Variants in RNF150 observed in about 807,000 individuals in gnomAD.
The protein encoded by RNF150 is ring finger protein 150.
RNF150 carries 24 observed loss-of-function variants against 39.3 expected under a neutral mutation model. The ratio of observed to expected loss-of-function variants is 0.61; its 90% confidence interval spans 0.44 to 0.86. The LOEUF (loss-of-function observed/expected upper bound fraction) is 0.86, where lower values mean the gene tolerates loss of function less well. Ranked by LOEUF, RNF150 falls within the 40% of genes least tolerant of loss-of-function variation. The pLI, the probability that RNF150 is intolerant of heterozygous loss-of-function variation, is 0.00. For synonymous variants in RNF150, 255 were observed against 227.3 expected (o/e 1.12, Z -1.10); for missense variants, 502 against 587.8 (o/e 0.85, Z 1.51).
chr4:141,109,984 G>A (rs1176952783), intron 1 of RNF150, among the ~76,000 whole-genome samples: 3 of 152,094 alleles, frequency 2.0e-5, no homozygotes, highest in Admixed American at 6.6e-5. Context: ...TGGAGTTCAG[G>A]GCTATCAAAG....
chr4:141,000,378 A>G (rs77013222), intron 1 of RNF150, among the ~76,000 whole-genome samples: 19,108 of 152,220 alleles, frequency 0.13, 1,540 homozygotes, highest in East Asian at 0.38. Flanking sequence ...ATGTATAAGG[A>G]AAATTCCTCA....
chr4:141,198,978 G>T (rs1728248687), intron 1 of RNF150, among the ~76,000 whole-genome samples: 1 of 152,044 alleles, frequency 6.6e-6, no homozygotes, highest in African/African-American at 2.4e-5. Context: ...ATATTATCTG[G>T]CAAATATTCT....
chr4:140,900,162 A>T (rs1248581146), intron 6 of RNF150, among the ~76,000 whole-genome samples: 1 of 152,186 alleles, frequency 6.6e-6, no homozygotes, highest in Non-Finnish European at 1.5e-5. Flanking sequence ...ACACAAAAAG[A>T]TCATCAAGAC....
At chr4:140,933,263 A>G (rs1239556215) in intron 4 of RNF150, among the ~76,000 whole-genome samples, 1 of 152,252 alleles carries the variant, frequency 6.6e-6, no homozygotes, top group Non-Finnish European at 1.5e-5. Context: ...AGCCTAAAGC[A>G]TGGGAAGAAC....
chr4:141,016,687 C>T (rs774702663), intron 1 of RNF150, among the ~76,000 whole-genome samples: 1 of 152,192 alleles, frequency 6.6e-6, no homozygotes, highest in Non-Finnish European at 1.5e-5. Context: ...AATTTTTCAT[C>T]CTGCTTAATA....
At chr4:141,114,921 G>A (rs566469983) in intron 1 of RNF150, among the ~76,000 whole-genome samples, 4 of 152,176 alleles carry the variant, frequency 2.6e-5, no homozygotes, top group African/African-American at 9.6e-5. Context: ...ATGCACAAAA[G>A]GCTTTCGATA....
chr4:140,890,019 C>T (rs890733329), intron 6 of RNF150, among the ~76,000 whole-genome samples: 25 of 152,086 alleles, frequency 1.6e-4, no homozygotes, highest in African/African-American at 6.0e-4. Context: ...AATAAAAACC[C>T]CCACATTAGC....
chr4:141,113,167 G>A (rs1274819734), intron 1 of RNF150, among the ~76,000 whole-genome samples: 5 of 151,824 alleles, frequency 3.3e-5, no homozygotes, highest in Admixed American at 1.3e-4. Flanking sequence ...CATTGGGTTA[G>A]AACATGTTCC....
chr4:140,902,977 T>C lies in RNF150; in HGVS notation c.1198+8167A>G, dbSNP rs923176991. Among the ~76,000 whole-genome samples, 4 of 152,194 alleles carry C rather than the reference T, an allele frequency of 2.6e-5. No homozygotes were observed. The South Asian group carries it at 8.3e-4, about 32-fold the overall frequency. On this transcript the variant is annotated intron_variant, in intron 6 of 6. Transcript: ENST00000515673. ...CCTTGCTAGGTTGGCTCAGTGGTGC[T>C]AGAAGGAGAAAGGTGGCGAGAAGGG... is the stretch of plus-strand genomic sequence containing the variant.
At chr4:141,006,271 TACATACATATATACGTATATATATAC>T (rs539763916) in intron 1 of RNF150, among the ~76,000 whole-genome samples, 10,627 of 149,250 alleles carry the variant, frequency 0.071, 442 homozygotes, top group Middle Eastern at 0.16. Context: ...CGTATATATA[TACATACATATATACGTATATATATAC>T]ACACACACAC....
Position 140,967,764 on chromosome 4 carries a change from C to T in RNF150, c.594G>A (p.Arg198=), listed in dbSNP as rs141976197. ...TVTMYITIGT[R]NLQKYVSRTS... ...TGCGGCTCACATATTTCTGCAAGTT[C>T]CGGGTTCCGATGGTGATGTACATTG... Residue 198 remains arginine (R), a synonymous_variant, in exon 2 of 7, where the codon CGG becomes CGA. Transcript: ENST00000515673. 3 of 1,613,454 alleles carry T rather than the reference C, an allele frequency of 1.9e-6. No homozygotes were observed. The South Asian group carries it at 3.3e-5, about 18-fold the overall frequency.
Position 141,198,192 on chromosome 4 carries a change from A to AT in RNF150, c.-6+14601dup, listed in dbSNP as rs372950686. On this transcript the variant is annotated intron_variant, in intron 1 of 7. Coordinates refer to the RNF150 transcript ENST00000420921. The stretch of plus-strand genomic sequence containing the variant: ...AGGTGTGCACCACTAATCCAAGATA[A>AT]TTTTTTGTATTTTTAGTAGAGACGC... Among the ~76,000 whole-genome samples the AT allele has an allele frequency of 6.2e-3, 938 of 151,766 alleles. 9 individuals are homozygous for AT. The highest frequency in any genetic ancestry group is 0.021 in the African/African-American group (879 of 41,378).
intron 1 of RNF150, among the ~76,000 whole-genome samples, chr4:141,110,886 T>A (rs1739364171): frequency 6.6e-6 from 1 of 152,172 alleles, no homozygotes; most frequent in African/African-American, 2.4e-5. Flanking sequence ...TCCTACTCAT[T>A]ATCAGGGCAA....
At chr4:141,103,187 A>G (rs1739076040) in intron 1 of RNF150, among the ~76,000 whole-genome samples, 1 of 152,204 alleles carries the variant, frequency 6.6e-6, no homozygotes, top group African/African-American at 2.4e-5. Flanking sequence ...CCGTTCTTCA[A>G]TATGAACCCA....
Position 140,902,029 on chromosome 4 carries a change from A to G in RNF150, c.1198+9115T>C, listed in dbSNP as rs543599782. 5.3e-5 allele frequency among the ~76,000 whole-genome samples: 8 copies of G among 152,256 alleles called. No individual in the cohort carries two copies. In the East Asian group the frequency reaches 1.5e-3, roughly 29 times the overall value. On this transcript the variant is annotated intron_variant, in intron 6 of 6. Transcript: ENST00000515673. ...TTAGATTAGGCAGATGGAGATTGTA[A>G]CCCATAGATAATAAAAATGTTTGGA... is the stretch of plus-strand genomic sequence containing the variant.
intron 1 of RNF150, among the ~76,000 whole-genome samples, chr4:141,117,467 T>C (rs1224806646): frequency 1.3e-5 from 2 of 152,144 alleles, no homozygotes; most frequent in African/African-American, 2.4e-5. Context: ...CTAAAAGAAA[T>C]AGGCTATAAC....
At chr4:140,935,032 A>AT (rs1560975622) in intron 4 of RNF150, among the ~76,000 whole-genome samples, 600 of 9,220 alleles carry the variant, frequency 0.065, 9 homozygotes, top group African/African-American at 0.18. Context: ...ATATATTTAT[A>AT]ATATATATAT....
chr4:141,164,009 G>A (rs1438000476), intron 1 of RNF150, among the ~76,000 whole-genome samples: 4 of 151,960 alleles, frequency 2.6e-5, no homozygotes, highest in East Asian at 1.9e-4. Flanking sequence ...AGTCTTTCAA[G>A]CTAAAAGAAC....
intron 6 of RNF150, among the ~76,000 whole-genome samples, chr4:140,869,953 A>C (rs1445147644): frequency 6.6e-6 from 1 of 152,224 alleles, no homozygotes; most frequent in Non-Finnish European, 1.5e-5. Context: ...TGCAATTAAA[A>C]AAACCAACAA....
Sources: gnomAD v4.1 joint callset for allele counts (sites outside exome capture counted in the v4.1 genomes callset) on GRCh38, gnomAD v4.1.1 for gene constraint, MANE v1.5 for transcripts, NCBI Gene and HGNC (gene_info 2026-07-23, HGNC 2026-07-21) for gene names.